TP53BP1: variants seen among roughly 807,000 people sequenced by gnomAD.
TP53BP1 encodes the protein TP53-binding protein 1.
Under a neutral mutation model 200.8 loss-of-function variants are expected in TP53BP1, and 61 were observed. The ratio of observed to expected loss-of-function variants is 0.30; its 90% confidence interval spans 0.25 to 0.38. The LOEUF (loss-of-function observed/expected upper bound fraction) is 0.38. Ranked by LOEUF, TP53BP1 falls within the 10% of genes least tolerant of loss-of-function variation. The pLI is 1.00. For synonymous variants in TP53BP1, 822 were observed against 844.3 expected, an observed-to-expected ratio of 0.97 and a Z score of 0.46; for missense variants, 2,144 against 2,371.9, an observed-to-expected ratio of 0.90 and a Z score of 2.00.
intron 5 of TP53BP1, among the ~76,000 whole-genome samples, chr15:43,480,468 TA>T (rs929372879): frequency 1.3e-5 from 2 of 151,470 alleles, no homozygotes; most frequent in Non-Finnish European, 2.9e-5. Context: ...AAAATAAATT[TA>T]AAAAAAATAA....
In TP53BP1 at chr15:43,481,034, A is replaced by T; in HGVS notation, c.372-12T>A. ...ACATTCCCAGAACACTACACAGCAGAAGGATATAATCATGTGTTCCCAGAT... is the reference window on the plus strand; with the variant it reads ...ACATTCCCAGAACACTACACAGCAGTAGGATATAATCATGTGTTCCCAGAT... On this transcript the variant is annotated splice_polypyrimidine_tract_variant and intron_variant, in intron 4 of 27. Transcript: ENST00000382044. 8 of 1,614,014 alleles carry T rather than the reference A, an allele frequency of 5.0e-6. No homozygotes were observed. The highest frequency in any genetic ancestry group is 6.8e-6 in the Non-Finnish European group (8 of 1,179,982).
chr15:43,438,727 G>GAAAAAAAA (rs2045856763), intron 15 of TP53BP1, among the ~76,000 whole-genome samples: 1 of 19,312 alleles, frequency 5.2e-5, no homozygotes, highest in Non-Finnish European at 7.1e-5. Flanking sequence ...CAAGCAAGAG[G>GAAAAAAAA]CAAAAAAAAA....
chr15:43,493,982 T>C (rs1484932968), upstream of TP53BP1, among the ~76,000 whole-genome samples: 1 of 152,202 alleles, frequency 6.6e-6, no homozygotes, highest in African/African-American at 2.4e-5. Flanking sequence ...CCAGAGATTC[T>C]ATTATCCTAA....
Position 43,404,734 on chromosome 15 carries a change from C to T in TP53BP1, c.*2649G>A, listed in dbSNP as rs2044801353. 1 of 668,488 alleles carries T rather than the reference C, an allele frequency of 1.5e-6. No individual in the cohort carries two copies. The highest frequency in any genetic ancestry group is 1.8e-5 in the African/African-American group (1 of 55,230). 41.4% of individuals were successfully genotyped at this position (668,488 alleles called of 1,614,324 possible). Reference sequence around the variant, plus strand: ...GAGGTTATTTTCTAGTAGAAGTCATCATCATCATAAAATACTAAAAAACCT... The same window carrying T: ...GAGGTTATTTTCTAGTAGAAGTCATTATCATCATAAAATACTAAAAAACCT... On this transcript the variant is annotated 3_prime_UTR_variant, in exon 28 of 28. Coordinates refer to ENST00000382044, the MANE Select transcript of TP53BP1 (RefSeq NM_001141980.3).
chr15:43,423,873 T>C (rs1042352361), intron 18 of TP53BP1, among the ~76,000 whole-genome samples: 8 of 152,202 alleles, frequency 5.3e-5, no homozygotes, highest in African/African-American at 1.9e-4. Context: ...TCTTTCTCTG[T>C]GTGTTCCTTT....
intron 13 of TP53BP1, chr15:43,447,144 CTCTT>C (rs1243339276): frequency 2.4e-5 from 13 of 536,856 alleles, no homozygotes; most frequent in East Asian, 3.5e-5. Context: ...TTTAAGTATT[CTCTT>C]TCTTTCTTAC....
rs765210737 is a variant in TP53BP1 at position 43,456,755 on chromosome 15, T to A, written c.1853A>T (p.Glu618Val). 1 of 1,614,100 alleles carries A rather than the reference T, an allele frequency of 6.2e-7. No individual in the cohort carries two copies. The highest frequency in any genetic ancestry group is 8.5e-7 in the Non-Finnish European group (1 of 1,180,032). The change falls in exon 12 of 28, where the codon GAA becomes GTA. Residue 618 changes from glutamate (E) to valine (V), a missense_variant. Coordinates refer to ENST00000382044, the MANE Select transcript of TP53BP1 (RefSeq NM_001141980.3). The stretch of plus-strand genomic sequence containing the variant: ...ACAAGTGAGATCAATACAAACATCT[T>A]CTGCTACCGTTTCTTCTCTGCCCTT... ...GCKGREETVA[E>V]DVCIDLTCDS...
At chr15:43,460,929 A>G (rs2046414140) in intron 11 of TP53BP1, among the ~76,000 whole-genome samples, 1 of 151,106 alleles carries the variant, frequency 6.6e-6, no homozygotes, top group African/African-American at 2.4e-5. Flanking sequence ...GGGAGCCTGG[A>G]TGGTTAAGGC....
intron 16 of TP53BP1, among the ~76,000 whole-genome samples, chr15:43,435,267 C>CA (rs377275791): frequency 0.55 from 30,375 of 55,646 alleles, 9,338 homozygotes; most frequent in Non-Finnish European, 0.64. Context: ...GACCCCATCT[C>CA]AAAAAAAAAA....
chr15:43,484,411 T>C (rs1302160664), intron 4 of TP53BP1, among the ~76,000 whole-genome samples: 1 of 152,216 alleles, frequency 6.6e-6, no homozygotes, highest in Non-Finnish European at 1.5e-5. Flanking sequence ...GCCTCTAGCC[T>C]TGTCCTGCTT....
chr15:43,507,308 C>T (rs1199924050), intron 1 of TP53BP1, among the ~76,000 whole-genome samples: 7 of 151,766 alleles, frequency 4.6e-5, no homozygotes, highest in Admixed American at 4.6e-4. Context: ...CTAATTTTTG[C>T]ATTTTTAGTA....
intron 7 of TP53BP1, 97 bp from the exon 8 acceptor site, chr15:43,477,856 C>A: frequency 2.1e-6 from 2 of 962,110 alleles, no homozygotes. Context: ...TTAATAATTT[C>A]AAAAATTCCA....
chr15:43,445,599 T>C (rs1436206123), intron 14 of TP53BP1, among the ~76,000 whole-genome samples: 1 of 152,210 alleles, frequency 6.6e-6, no homozygotes, highest in Non-Finnish European at 1.5e-5. Context: ...CTTACTCTGT[T>C]TTCTCATCAA....
intron 15 of TP53BP1, 108 bp downstream of exon 15, chr15:43,441,418 T>A (rs1450745320): frequency 1.1e-5 from 8 of 757,948 alleles, no homozygotes; most frequent in Non-Finnish European, 1.7e-5. Flanking sequence ...TATGAAAGAG[T>A]CTCATTTTAA....
intron 23 of TP53BP1, chr15:43,415,381 G>T: frequency 1.5e-6 from 1 of 667,852 alleles, no homozygotes; most frequent in Non-Finnish European, 2.7e-6. Flanking sequence ...GCTAATTCTG[G>T]CCTTGCTATC....
Position 43,405,010 on chromosome 15 carries a change from A to T in TP53BP1, c.*2373T>A. The T allele has an allele frequency of 1.7e-6, 1 of 598,736 alleles. No individual in the cohort carries two copies. Among genetic ancestry groups the T allele is most frequent in the South Asian group, 2.4e-5 (1 of 40,984 alleles). 37.1% of individuals were successfully genotyped at this position (598,736 alleles called of 1,614,324 possible). On this transcript the variant is annotated 3_prime_UTR_variant, in exon 28 of 28. Coordinates refer to ENST00000382044, the MANE Select transcript of TP53BP1 (RefSeq NM_001141980.3). ...GTCTGTCATTCCCATTCAGAAAATC[A>T]CTTCATTGTCCTTTCTCTCTAAAAT...
intron 11 of TP53BP1, among the ~76,000 whole-genome samples, chr15:43,457,436 G>C (rs913972425): frequency 6.6e-6 from 1 of 151,896 alleles, no homozygotes; most frequent in Non-Finnish European, 1.5e-5. Flanking sequence ...CACAAAGTGG[G>C]GATACGTACT....
intron 12 of TP53BP1, among the ~76,000 whole-genome samples, chr15:43,448,224 C>T (rs2046087897): frequency 6.6e-6 from 1 of 152,050 alleles, no homozygotes; most frequent in South Asian, 2.1e-4. Flanking sequence ...TACTTTCTAC[C>T]TAGGTCTCAG....
At chr15:43,440,413 G>A (rs1321583321) in intron 15 of TP53BP1, among the ~76,000 whole-genome samples, 1 of 152,106 alleles carries the variant, frequency 6.6e-6, no homozygotes, top group Non-Finnish European at 1.5e-5. Context: ...TACTTGGGAG[G>A]CTGAGGCAGG....
Sources: gnomAD v4.1 joint callset for allele counts (sites outside exome capture counted in the v4.1 genomes callset) on GRCh38, gnomAD v4.1.1 for gene constraint, MANE v1.5 for transcripts, NCBI Gene and HGNC (gene_info 2026-07-23, HGNC 2026-07-21) for gene names.